PCDHGA5: variants seen among roughly 807,000 people sequenced by gnomAD.
PCDHGA5 encodes the protein protocadherin gamma subfamily A, 5.
PCDHGA5 carries 36 observed loss-of-function variants against 56.7 expected under a neutral mutation model. The ratio of observed to expected loss-of-function variants is 0.64; its 90% CI spans 0.49 to 0.84. The LOEUF (loss-of-function observed/expected upper bound fraction) is 0.84, where lower values mean the gene tolerates loss of function less well. Among genes scored for constraint, PCDHGA5 ranks in the 40% least tolerant of loss-of-function variants. PCDHGA5 has a pLI of 0.00. For synonymous variants in PCDHGA5, 563 were observed against 520.2 expected, an observed-to-expected ratio of 1.08 and a Z score of -1.12; for missense variants, 1,305 against 1,201.5, an observed-to-expected ratio of 1.09 and a Z score of -1.27.
chr5:141,461,506 AT>A (rs1406680307), intron 1 of PCDHGA5, among the ~76,000 whole-genome samples: 2 of 151,524 alleles, frequency 1.3e-5, no homozygotes, highest in Non-Finnish European at 1.5e-5. Context: ...TTTCTTGGTG[AT>A]TTGTTAGTTC....
At chr5:141,478,603 A>C (rs116528962) in intron 1 of PCDHGA5, 173 of 1,563,096 alleles carry the variant, frequency 1.1e-4, no homozygotes, top group Non-Finnish European at 1.4e-4. Context: ...CCTACATCAT[A>C]TTGAGGAAGG....
intron 1 of PCDHGA5, chr5:141,390,100 C>G: frequency 6.2e-7 from 1 of 1,614,060 alleles, no homozygotes; most frequent in South Asian, 1.1e-5. Context: ...GTGGTTCCCC[C>G]CAACTACAGC....
chr5:141,390,408 T>C, intron 1 of PCDHGA5: 1 of 1,254,846 alleles, frequency 8.0e-7, no homozygotes, highest in Non-Finnish European at 1.1e-6. Context: ...AGGAAAGTTG[T>C]AGTCAGTTAA....
At chr5:141,474,854 T>G (rs1007461186) in intron 1 of PCDHGA5, among the ~76,000 whole-genome samples, 3 of 152,260 alleles carry the variant, frequency 2.0e-5, no homozygotes, top group African/African-American at 7.2e-5. Flanking sequence ...CCTGCCTTCT[T>G]CATTTAATAG....
intron 2 of PCDHGA5, among the ~76,000 whole-genome samples, chr5:141,497,859 G>A (rs188372194): frequency 2.0e-4 from 31 of 152,134 alleles, no homozygotes; most frequent in Middle Eastern, 6.8e-3. Context: ...TTGATTCAGC[G>A]GCTCCAAAGT....
At chr5:141,465,831 T>A (rs997004387) in intron 1 of PCDHGA5, among the ~76,000 whole-genome samples, 1 of 151,980 alleles carries the variant, frequency 6.6e-6, no homozygotes, top group African/African-American at 2.4e-5. Context: ...TTGTTTAAAA[T>A]TTCAACTGAG....
At chr5:141,382,770 C>T in intron 1 of PCDHGA5, 7 of 734,404 alleles carry the variant, frequency 9.5e-6, no homozygotes, top group Non-Finnish European at 1.5e-5. Context: ...TTCCAGGCTG[C>T]ACTAAACTCA....
At position 141,432,580 on chromosome 5, in the gene PCDHGA5, T is replaced by C. The variant is rs773087131; in HGVS notation, c.2422-62227T>C. 20 of 1,613,202 alleles carry C rather than the reference T, an allele frequency of 1.2e-5. No individual in the cohort carries two copies. The highest frequency in any genetic ancestry group is 4.0e-5 in the African/African-American group (3 of 74,662). On this transcript the variant is annotated intron_variant, in intron 1 of 3. Transcript: ENST00000518069. The surrounding 1 kb of genome is among the most constrained non-coding windows in gnomAD (Gnocchi z 6.0). ...GCCAGAACGCCTGGCTGTCCTACCG[T>C]CTGCTCAAGGCCAGCGAGCCGGGAC... is the stretch of plus-strand genomic sequence containing the variant.
intron 1 of PCDHGA5, chr5:141,383,490 G>A: frequency 6.2e-7 from 1 of 1,613,286 alleles, no homozygotes; most frequent in South Asian, 1.1e-5. Flanking sequence ...TGGTGCTGGA[G>A]CGGGTGCTGG....
chr5:141,382,744 A>G (rs767790688), intron 1 of PCDHGA5: 6 of 592,898 alleles, frequency 1.0e-5, no homozygotes, highest in Non-Finnish European at 1.7e-5. Context: ...GAAACGACAG[A>G]TTGCGATAAG....
intron 2 of PCDHGA5, among the ~76,000 whole-genome samples, chr5:141,499,689 CTT>C (rs545067566): frequency 7.5e-5 from 9 of 119,852 alleles, no homozygotes; most frequent in African/African-American, 9.3e-5. Flanking sequence ...TAACAGATGA[CTT>C]TTTTTTTTTT....
At chr5:141,390,505 A>T in intron 1 of PCDHGA5, 1 of 600,954 alleles carries the variant, frequency 1.7e-6, no homozygotes, top group South Asian at 2.1e-5. Context: ...CCAAGCTTAG[A>T]TTTATAAAGC....
intron 1 of PCDHGA5, among the ~76,000 whole-genome samples, chr5:141,368,418 C>T (rs900475328): frequency 3.3e-5 from 5 of 151,998 alleles, no homozygotes; most frequent in Admixed American, 2.0e-4. Flanking sequence ...CACACATGGA[C>T]ATTCTGACCA....
intron 1 of PCDHGA5, chr5:141,403,694 C>A (rs746395931): frequency 2.5e-6 from 4 of 1,613,878 alleles, no homozygotes; most frequent in Admixed American, 1.7e-5. Context: ...ACGGATTTAC[C>A]GAGTTAAAGT....
intron 1 of PCDHGA5, chr5:141,400,300 C>T: frequency 6.2e-7 from 1 of 1,614,084 alleles, no homozygotes; most frequent in Non-Finnish European, 8.5e-7. Context: ...CTGCTTCCAA[C>T]CTGGTCTCTG....
At chr5:141,441,638 G>A (rs1456506194) in intron 1 of PCDHGA5, 2 of 226,008 alleles carry the variant, frequency 8.8e-6, no homozygotes, top group Non-Finnish European at 1.8e-5. Flanking sequence ...AGCCACAGGC[G>A]CTGTGATTCT....
intron 1 of PCDHGA5, among the ~76,000 whole-genome samples, chr5:141,380,858 G>A (rs1193255513): frequency 6.6e-6 from 1 of 152,216 alleles, no homozygotes; most frequent in Non-Finnish European, 1.5e-5. Flanking sequence ...AAGACATTGA[G>A]AGCTATAACC....
At position 141,499,506 on chromosome 5, in the gene PCDHGA5, CA is replaced by C. The variant is rs759983739; in HGVS notation, c.2480+4644del. Among the ~76,000 whole-genome samples, 6 of 152,086 alleles carry C rather than the reference CA, an allele frequency of 3.9e-5. No homozygotes were observed. The South Asian group carries it at 1.0e-3, about 26-fold the overall frequency. On this transcript the variant is annotated intron_variant, in intron 2 of 3. Coordinates refer to ENST00000518069, the MANE Select transcript of PCDHGA5 (RefSeq NM_018918.3). Reference sequence around the variant, plus strand: ...AACTACAGTTTAATATGAAACATTTCAAATATGTACAAAAGTAGAGAGAATG... The same window carrying C: ...AACTACAGTTTAATATGAAACATTTCAATATGTACAAAAGTAGAGAGAATG...
intron 1 of PCDHGA5, among the ~76,000 whole-genome samples, chr5:141,436,199 A>G (rs576607542): frequency 7.2e-5 from 11 of 152,282 alleles, no homozygotes; most frequent in East Asian, 5.8e-4. Context: ...AAAGAAAGAC[A>G]TAATAGGAAA....
Sources: gnomAD v4.1 joint callset for allele counts (sites outside exome capture counted in the v4.1 genomes callset) on GRCh38, gnomAD v4.1.1 for gene constraint, Gnocchi (gnomAD v3.1) non-coding constraint, MANE v1.5 for transcripts, NCBI Gene and HGNC (gene_info 2026-07-23, HGNC 2026-07-21) for gene names.